The following LRP1B variants were observed in gnomAD, a reference collection of about 807,000 sequenced individuals.
LRP1B encodes the protein low-density lipoprotein receptor-related protein 1B.
Under a neutral mutation model 556.6 loss-of-function variants are expected in LRP1B, and 217 were observed. That is an observed-to-expected ratio of 0.39 (90% confidence interval 0.35 to 0.44). The LOEUF (loss-of-function observed/expected upper bound fraction) is 0.44. LRP1B is among the 20% of genes least tolerant of loss of function. LRP1B has a pLI of 1.00. For missense variants in LRP1B, 5,053 were observed against 5,620.8 expected (o/e 0.90, Z 3.23); for synonymous variants, 2,047 against 1,865.8 (o/e 1.10, Z -2.50).
At chr2:141,974,050 A>T (rs1467251153) in intron 1 of LRP1B, among the ~76,000 whole-genome samples, 1 of 151,916 alleles carries the variant, frequency 6.6e-6, no homozygotes, top group Non-Finnish European at 1.5e-5. Flanking sequence ...AATTGATTAC[A>T]TCCAAGTTAT....
chr2:140,536,311 TAAAAAAAAA>T (rs70988404), intron 46 of LRP1B, among the ~76,000 whole-genome samples: 33,821 of 61,556 alleles, frequency 0.55, 7,593 homozygotes, highest in East Asian at 0.65. Context: ...CCCGTCTCTT[TAAAAAAAAA>T]AAAAAAAAAA....
At chr2:141,061,263 A>C (rs528579679) in intron 8 of LRP1B, among the ~76,000 whole-genome samples, 1 of 151,786 alleles carries the variant, frequency 6.6e-6, no homozygotes, top group African/African-American at 2.4e-5. Flanking sequence ...AAAGCTGATT[A>C]GAAAGTAAAA....
At chr2:140,405,489 A>G (rs1339231823) in intron 66 of LRP1B, among the ~76,000 whole-genome samples, 4 of 152,214 alleles carry the variant, frequency 2.6e-5, no homozygotes, top group African/African-American at 9.6e-5. Flanking sequence ...AAGAAGAGAA[A>G]AGATCCAAAT....
At chr2:141,920,665 C>G (rs16847644) in intron 1 of LRP1B, among the ~76,000 whole-genome samples, 32,068 of 151,692 alleles carry the variant, frequency 0.21, 4,047 homozygotes, top group East Asian at 0.35. Flanking sequence ...TTATGTTTGT[C>G]CCTGTACTTT....
At chr2:141,590,106 T>A (rs1056059371) in intron 2 of LRP1B, among the ~76,000 whole-genome samples, 1 of 151,882 alleles carries the variant, frequency 6.6e-6, no homozygotes, top group Admixed American at 6.6e-5. Context: ...GAAAAAAAAA[T>A]GGTTATTTTT....
chr2:141,394,146 G>A lies in LRP1B; in HGVS notation c.343+86250C>T, dbSNP rs141475658. 1.6e-3 allele frequency among the ~76,000 whole-genome samples: 242 copies of A among 152,122 alleles called. 1 individual carries two copies. The highest frequency in any genetic ancestry group is 5.6e-3 in the African/African-American group (232 of 41,530). On this transcript the variant is annotated intron_variant, in intron 3 of 90. Transcript: ENST00000389484. ...TCTCAACTATCAGTAAATTCCACAC[G>A]TTGCTCAAAATGTTCTCTATTTGTT...
chr2:142,085,421 T>C (rs929192250), intron 1 of LRP1B, among the ~76,000 whole-genome samples: 1 of 152,192 alleles, frequency 6.6e-6, no homozygotes, highest in African/African-American at 2.4e-5. Flanking sequence ...AGAAAATCTA[T>C]CTATTCATTC....
At position 141,205,949 on chromosome 2, in the gene LRP1B, A is replaced by C. The variant is rs148212331; in HGVS notation, c.851-17366T>G. Among the ~76,000 whole-genome samples, 612 of 152,280 alleles carry C rather than the reference A, an allele frequency of 4.0e-3. 1 individual carries two copies. Among genetic ancestry groups the C allele is most frequent in the African/African-American group, 0.014 (592 of 41,550 alleles). ...TTTGATAGCCATGAAAGAAGATGAA[A>C]TACTTGAGGAGTTTCTGAAATCACT... On this transcript the variant is annotated intron_variant, in intron 6 of 90. Transcript: ENST00000389484.
intron 6 of LRP1B, among the ~76,000 whole-genome samples, chr2:141,213,565 A>C (rs1682658000): frequency 2.0e-5 from 3 of 152,176 alleles, no homozygotes; most frequent in African/African-American, 7.2e-5. Context: ...CCACACAGAC[A>C]TGAGAGAATG....
intron 7 of LRP1B, among the ~76,000 whole-genome samples, chr2:141,149,186 G>GTT (rs964409034): frequency 4.2e-4 from 63 of 151,084 alleles, no homozygotes; most frequent in African/African-American, 1.5e-3. Context: ...AATAAAAAGG[G>GTT]TTTTTTTTGT....
Position 140,331,444 on chromosome 2 carries a change from C to T in LRP1B, c.12223+3009G>A, listed in dbSNP as rs531200570. Among the ~76,000 whole-genome samples the T allele has an allele frequency of 7.9e-5, 12 of 152,010 alleles. No homozygotes were observed. In the South Asian group the frequency reaches 8.3e-4, roughly 11 times the overall value. On this transcript the variant is annotated intron_variant, in intron 79 of 90. Coordinates refer to ENST00000389484, the MANE Select transcript of LRP1B (RefSeq NM_018557.3). ...AGTGTGTCATTTGAAGGCACATATTCGAATCACTCCTTAAAATTATACAAT... is the reference window on the plus strand; with the variant it reads ...AGTGTGTCATTTGAAGGCACATATTTGAATCACTCCTTAAAATTATACAAT...
intron 2 of LRP1B, among the ~76,000 whole-genome samples, chr2:141,484,891 C>A (rs1683062953): frequency 6.6e-6 from 1 of 152,028 alleles, no homozygotes; most frequent in Admixed American, 6.6e-5. Flanking sequence ...TCTAAATATA[C>A]AATCATGCAA....
chr2:141,421,402 G>T (rs1019884348), intron 3 of LRP1B, among the ~76,000 whole-genome samples: 9 of 150,516 alleles, frequency 6.0e-5, no homozygotes, highest in Admixed American at 4.0e-4. Context: ...AGTGGCGGGC[G>T]CCTGTAGTCC....
intron 2 of LRP1B, among the ~76,000 whole-genome samples, chr2:141,798,308 T>C (rs759959187): frequency 1.4e-4 from 22 of 152,238 alleles, no homozygotes; most frequent in Non-Finnish European, 3.2e-4. Flanking sequence ...CTGATTTTTC[T>C]GTCAGCTTAA....
At position 141,762,226 on chromosome 2, in the gene LRP1B, T is replaced by G. The variant is rs561598615; in HGVS notation, c.205+48053A>C. Among the ~76,000 whole-genome samples, 343 of 152,060 alleles carry G rather than the reference T, an allele frequency of 2.3e-3. 2 individuals carry two copies. The highest frequency in any genetic ancestry group is 8.1e-3 in the African/African-American group (334 of 41,488). On this transcript the variant is annotated intron_variant, in intron 2 of 90. Transcript: ENST00000389484. ...TAGCAGCCTTTCAATTCCAATAAAT[T>G]GGCCACTGTTGAGTATTTCAATAAG... is the stretch of plus-strand genomic sequence containing the variant.
intron 2 of LRP1B, among the ~76,000 whole-genome samples, chr2:141,766,807 A>G (rs1308867085): frequency 1.3e-5 from 2 of 152,096 alleles, no homozygotes; most frequent in African/African-American, 2.4e-5. Context: ...CTCTTCTACA[A>G]TTTCTTTTAA....
At chr2:140,305,595 C>G (rs1401003890) in intron 83 of LRP1B, among the ~76,000 whole-genome samples, 1 of 152,136 alleles carries the variant, frequency 6.6e-6, no homozygotes, top group East Asian at 1.9e-4. Flanking sequence ...ATGTTATCTG[C>G]AAACAGGGAC....
At chr2:141,197,700 G>T (rs753794458) in intron 6 of LRP1B, among the ~76,000 whole-genome samples, 3 of 152,112 alleles carry the variant, frequency 2.0e-5, no homozygotes, top group African/African-American at 4.8e-5. Flanking sequence ...GGAACATACT[G>T]CAGTTTCCAG....
chr2:140,459,128 C>T (rs17523831), intron 60 of LRP1B, among the ~76,000 whole-genome samples: 22,762 of 151,966 alleles, frequency 0.15, 2,243 homozygotes, highest in Non-Finnish European at 0.22. Flanking sequence ...GACATAGATA[C>T]CATTACTAAA....
Sources: gnomAD v4.1 joint callset for allele counts (sites outside exome capture counted in the v4.1 genomes callset) on GRCh38, gnomAD v4.1.1 for gene constraint, MANE v1.5 for transcripts, NCBI Gene and HGNC (gene_info 2026-07-23, HGNC 2026-07-21) for gene names.